Variants in GPC5 observed in about 807,000 individuals in gnomAD.
GPC5 encodes the protein glypican 5, also known as glypican-5.
In GPC5, 47 loss-of-function variants were observed where a neutral mutation model predicts 53.9. That is an observed-to-expected ratio of 0.87 (90% confidence interval 0.69 to 1.11). The LOEUF is 1.11. Among genes scored for constraint, GPC5 ranks in the 50% most tolerant of loss-of-function variants. GPC5 has a pLI of 0.00. For missense variants in GPC5, 748 were observed against 713.1 expected (o/e 1.05, Z -0.56); for synonymous variants, 286 against 263.3 (o/e 1.09, Z -0.84).
At chr13:92,796,200 A>C (rs1876671937) in intron 7 of GPC5, among the ~76,000 whole-genome samples, 1 of 152,120 alleles carries the variant, frequency 6.6e-6, no homozygotes, top group South Asian at 2.1e-4. Flanking sequence ...GGATGAGTTC[A>C]TGTCCTTTGC....
At chr13:92,722,749 G>A in intron 7 of GPC5, among the ~76,000 whole-genome samples, 1 of 151,746 alleles carries the variant, frequency 6.6e-6, no homozygotes, top group East Asian at 1.9e-4. Flanking sequence ...GTGTGATTGG[G>A]TAATTGTGCA....
At chr13:91,781,271 T>C (rs1436624802) in intron 5 of GPC5, among the ~76,000 whole-genome samples, 1 of 152,238 alleles carries the variant, frequency 6.6e-6, no homozygotes, top group East Asian at 1.9e-4. Context: ...TGGCCAACAC[T>C]GGCTTCCAGT....
chr13:92,809,069 C>A (rs554736476), intron 7 of GPC5, among the ~76,000 whole-genome samples: 43 of 152,112 alleles, frequency 2.8e-4, no homozygotes, highest in Non-Finnish European at 5.9e-4. Context: ...TTGCTAGCAT[C>A]TGTTCCCACA....
chr13:92,190,250 G>T (rs540314070), intron 7 of GPC5, among the ~76,000 whole-genome samples: 2 of 152,154 alleles, frequency 1.3e-5, no homozygotes, highest in South Asian at 4.1e-4. Flanking sequence ...TCCTTCAAAA[G>T]TAAAGAAGAA....
intron 7 of GPC5, among the ~76,000 whole-genome samples, chr13:92,292,598 G>T (rs1566523475): frequency 1.3e-5 from 2 of 151,936 alleles, no homozygotes; most frequent in Admixed American, 6.6e-5. Context: ...AGATTGTGAA[G>T]GTTTTTTTCC....
intron 5 of GPC5, among the ~76,000 whole-genome samples, chr13:91,878,460 A>C (rs1261041887): frequency 6.6e-6 from 1 of 152,212 alleles, no homozygotes; most frequent in Admixed American, 6.5e-5. Flanking sequence ...ACGGAAAATT[A>C]GAACATATTA....
chr13:91,896,548 G>T (rs943387584), intron 5 of GPC5, among the ~76,000 whole-genome samples: 1 of 152,094 alleles, frequency 6.6e-6, no homozygotes, highest in Admixed American at 6.6e-5. Flanking sequence ...AAACACTGAC[G>T]GACCTGGCAG....
intron 2 of GPC5, among the ~76,000 whole-genome samples, chr13:91,617,702 T>A (rs1164692237): frequency 6.6e-6 from 1 of 152,030 alleles, no homozygotes; most frequent in Non-Finnish European, 1.5e-5. Context: ...TAATTCTCCT[T>A]TTTAGGTGTT....
intron 7 of GPC5, among the ~76,000 whole-genome samples, chr13:92,431,416 T>A: frequency 7.2e-6 from 1 of 138,078 alleles, no homozygotes; most frequent in Admixed American, 7.5e-5. Context: ...TAAGCTAAAG[T>A]GATCAGAAAA....
rs145835359 is a variant in GPC5, at chr13:92,521,161, C to T, written c.1562-345121C>T. Among the ~76,000 whole-genome samples, 1,343 of 152,150 alleles carry T rather than the reference C, an allele frequency of 8.8e-3. 19 individuals carry two copies. Among genetic ancestry groups the T allele is most frequent in the African/African-American group, 0.031 (1,286 of 41,534 alleles). ...CAAGTGGAAGAACATTCCATGCTCACGGGTGGGAAGAATCAATATCATGAA... is the reference window on the plus strand; with the variant it reads ...CAAGTGGAAGAACATTCCATGCTCATGGGTGGGAAGAATCAATATCATGAA... On this transcript the variant is annotated intron_variant, in intron 7 of 7. Transcript: ENST00000377067.
chr13:92,025,471 A>G (rs1363885886), intron 6 of GPC5, among the ~76,000 whole-genome samples: 1 of 152,186 alleles, frequency 6.6e-6, no homozygotes, highest in Non-Finnish European at 1.5e-5. Context: ...GAGAAAGTCC[A>G]TCAGCTCATA....
Position 91,843,265 on chromosome 13 carries a change from TAA to T in GPC5, c.1281-64670_1281-64669del, listed in dbSNP as rs1362470171. On this transcript the variant is annotated intron_variant, in intron 5 of 7. Coordinates refer to ENST00000377067, the MANE Select transcript of GPC5 (RefSeq NM_004466.6). Reference sequence around the variant, plus strand: ...CAAAATTACAAATAAGCCAAAATATTAAACTTTCATAATGGAGATATAAACAT... The same window carrying T: ...CAAAATTACAAATAAGCCAAAATATTACTTTCATAATGGAGATATAAACAT... Among the ~76,000 whole-genome samples, 27 of 152,302 alleles carry T rather than the reference TAA, an allele frequency of 1.8e-4. No homozygotes were observed. The South Asian group carries it at 5.0e-3, about 28-fold the overall frequency.
chr13:92,526,181 G>A (rs1343284864), intron 7 of GPC5, among the ~76,000 whole-genome samples: 2 of 152,008 alleles, frequency 1.3e-5, no homozygotes, highest in African/African-American at 4.8e-5. Flanking sequence ...TCCACAGTAT[G>A]GAATTATAGA....
intron 7 of GPC5, among the ~76,000 whole-genome samples, chr13:92,222,711 C>T (rs780802485): frequency 1.1e-4 from 17 of 151,992 alleles, no homozygotes; most frequent in Non-Finnish European, 2.2e-4. Flanking sequence ...TTGGATAATA[C>T]GCCCCGATTT....
chr13:92,654,904 A>G lies in GPC5; in HGVS notation c.1562-211378A>G, dbSNP rs147395307. Among the ~76,000 whole-genome samples the G allele has an allele frequency of 5.6e-3, 847 of 152,342 alleles. 4 individuals are homozygous for G. Among genetic ancestry groups the G allele is most frequent in the African/African-American group, 0.019 (801 of 41,568 alleles). ...GATTGCTAAAGATCTGAAATCCAAT[A>G]TGACTGATGTTCTTATAAGAAGAGG... On this transcript the variant is annotated intron_variant, in intron 7 of 7. Coordinates refer to ENST00000377067, the MANE Select transcript of GPC5 (RefSeq NM_004466.6).
At chr13:92,783,554 G>A (rs1876106318) in intron 7 of GPC5, among the ~76,000 whole-genome samples, 1 of 152,150 alleles carries the variant, frequency 6.6e-6, no homozygotes, top group Admixed American at 6.5e-5. Context: ...TAGTGTTGAA[G>A]AGGTACAAAA....
intron 3 of GPC5, among the ~76,000 whole-genome samples, chr13:91,726,231 A>G (rs1305529578): frequency 6.6e-6 from 1 of 151,988 alleles, no homozygotes; most frequent in Non-Finnish European, 1.5e-5. Context: ...GGCCCTGTTG[A>G]CTTTGCCTCT....
intron 7 of GPC5, among the ~76,000 whole-genome samples, chr13:92,518,029 T>G (rs1000072012): frequency 2.6e-5 from 4 of 152,286 alleles, no homozygotes; most frequent in Middle Eastern, 3.4e-3. Flanking sequence ...ACGTGATGAA[T>G]GCACAAGCTT....
intron 2 of GPC5, among the ~76,000 whole-genome samples, chr13:91,585,628 G>C (rs192993361): frequency 6.6e-5 from 10 of 152,288 alleles, no homozygotes; most frequent in East Asian, 3.9e-4. Flanking sequence ...GTTGTGTTTG[G>C]GGGGTGGAGG....
Sources: gnomAD v4.1 joint callset for allele counts (sites outside exome capture counted in the v4.1 genomes callset) on GRCh38, gnomAD v4.1.1 for gene constraint, MANE v1.5 for transcripts, NCBI Gene and HGNC (gene_info 2026-07-23, HGNC 2026-07-21) for gene names.